SAMD8: variants seen among roughly 807,000 people sequenced by gnomAD.
The protein encoded by SAMD8 is sphingomyelin synthase-related protein 1.
Under a neutral mutation model 42.0 loss-of-function variants are expected in SAMD8, and 20 were observed. The ratio of observed to expected loss-of-function variants is 0.48; its 90% CI spans 0.34 to 0.69. SAMD8 has a LOEUF of 0.69. Ranked by LOEUF, SAMD8 falls within the 30% of genes least tolerant of loss-of-function variation. SAMD8 has a pLI of 0.01. For missense variants in SAMD8, 328 were observed against 511.6 expected, an observed-to-expected ratio of 0.64 and a Z score of 3.46; for synonymous variants, 162 against 173.0, an observed-to-expected ratio of 0.94 and a Z score of 0.50.
At chr10:75,141,365 AAAAG>A (rs1163409339) in intron 1 of SAMD8, among the ~76,000 whole-genome samples, 13 of 152,062 alleles carry the variant, frequency 8.5e-5, no homozygotes, top group South Asian at 2.1e-4. Context: ...AAAAAAAAAA[AAAAG>A]AAAGGAAGAC....
intron 2 of SAMD8, among the ~76,000 whole-genome samples, chr10:75,160,269 T>C (rs1021609555): frequency 6.6e-6 from 1 of 151,994 alleles, no homozygotes; most frequent in Non-Finnish European, 1.5e-5. Flanking sequence ...CGATCTCGGC[T>C]CACTGCAAGC....
At chr10:75,155,618 T>C (rs1343613611) in intron 2 of SAMD8, among the ~76,000 whole-genome samples, 1 of 152,134 alleles carries the variant, frequency 6.6e-6, no homozygotes, top group African/African-American at 2.4e-5. Context: ...TGGGTTATAA[T>C]AGGTTCAGGA....
rs569645820 is a variant in SAMD8, at chr10:75,164,278, G to A, written c.579-367G>A. Among the ~76,000 whole-genome samples the A allele has an allele frequency of 3.3e-5, 5 of 152,208 alleles. No homozygotes were observed. In the South Asian group the frequency reaches 1.0e-3, roughly 32 times the overall value. ...TTCAAACCCTGATTGTTTGCACTCT[G>A]AAAAGAGCACTTCATGCAAGAAATG... is the stretch of plus-strand genomic sequence containing the variant. On this transcript the variant is annotated intron_variant, in intron 2 of 5. Coordinates refer to ENST00000542569, the MANE Select transcript of SAMD8 (RefSeq NM_001174156.2).
intron 3 of SAMD8, among the ~76,000 whole-genome samples, chr10:75,166,943 G>T (rs1840696728): frequency 6.6e-6 from 1 of 152,148 alleles, no homozygotes; most frequent in South Asian, 2.1e-4. Flanking sequence ...CAGATTCCTA[G>T]GTTCCATCTC....
chr10:75,114,918 T>C (rs1350155019), intron 1 of SAMD8, among the ~76,000 whole-genome samples: 1 of 152,216 alleles, frequency 6.6e-6, no homozygotes, highest in African/African-American at 2.4e-5. Flanking sequence ...TGAATACAAT[T>C]GCATATTCTG....
chr10:75,151,655 C>T (rs1840289825), intron 2 of SAMD8, among the ~76,000 whole-genome samples: 1 of 151,764 alleles, frequency 6.6e-6, no homozygotes, highest in African/African-American at 2.4e-5. Flanking sequence ...GCCTGGACTG[C>T]TTAATTTATT....
Position 75,150,917 on chromosome 10 carries a change from A to C in SAMD8, c.389A>C (p.Gln130Pro). ...DGPITDLNSD[Q>P]YQYMNGKNKH... is the part of the protein sequence containing the mutation. ...CCCATAACTGACTTGAATTCTGATC[A>C]GTACCAGTACATGAATGGTAAAAAC... is the stretch of plus-strand genomic sequence containing the variant. Residue 130 changes from glutamine (Q) to proline (P), a missense_variant, in exon 2 of 6, where the codon CAG becomes CCG. Physicochemically the swap from Gln to Pro is moderately conservative, Grantham distance 76. Transcript: ENST00000542569. The C allele has an allele frequency of 6.2e-7, 1 of 1,611,702 alleles. No homozygotes were observed. The highest frequency in any genetic ancestry group is 1.1e-5 in the South Asian group (1 of 90,626).
chr10:75,163,868 A>G (rs1840615327), intron 2 of SAMD8, among the ~76,000 whole-genome samples: 1 of 151,812 alleles, frequency 6.6e-6, no homozygotes, highest in East Asian at 1.9e-4. Context: ...TTGAAAATAG[A>G]AAAAAAACCA....
At chr10:75,149,284 A>G (rs1259224834) in intron 1 of SAMD8, among the ~76,000 whole-genome samples, 2 of 152,250 alleles carry the variant, frequency 1.3e-5, no homozygotes, top group African/African-American at 4.8e-5. Flanking sequence ...AAAGAAGAAC[A>G]TAAATAGAGC....
chr10:75,124,606 C>T (rs1849086471), intron 1 of SAMD8, among the ~76,000 whole-genome samples: 1 of 141,318 alleles, frequency 7.1e-6, no homozygotes, highest in African/African-American at 2.6e-5. Flanking sequence ...GAACGAGACT[C>T]CATCTCAAAA....
intron 1 of SAMD8, among the ~76,000 whole-genome samples, chr10:75,135,223 C>A (rs10824282): frequency 6.6e-6 from 1 of 151,530 alleles, no homozygotes. Context: ...GAGGCCGAGG[C>A]GGGCTGATCA....
intron 1 of SAMD8, among the ~76,000 whole-genome samples, chr10:75,137,233 A>G (rs1839909932): frequency 6.6e-6 from 1 of 152,222 alleles, no homozygotes; most frequent in African/African-American, 2.4e-5. Context: ...AGGGGATATT[A>G]TTCAGCCTTA....
At chr10:75,111,432 T>C, upstream of SAMD8, 2 of 1,039,464 alleles carry the variant, frequency 1.9e-6, no homozygotes, top group Non-Finnish European at 2.4e-6. Context: ...TTTTCCAGTG[T>C]GGGCCCCGCC....
At chr10:75,172,350 AAG>A (rs772895121) in intron 4 of SAMD8, among the ~76,000 whole-genome samples, 5 of 151,942 alleles carry the variant, frequency 3.3e-5, no homozygotes, top group Non-Finnish European at 7.4e-5. Context: ...TTGTTTTTTT[AAG>A]ACAGATTCTC....
At chr10:75,154,331 T>C (rs1454397835) in intron 2 of SAMD8, among the ~76,000 whole-genome samples, 1 of 152,224 alleles carries the variant, frequency 6.6e-6, no homozygotes, top group Non-Finnish European at 1.5e-5. Context: ...GTATCTTGTC[T>C]CCCCTTCTAT....
At position 75,146,272 on chromosome 10, in the gene SAMD8, C is replaced by CTTTTTTTTT. The variant is rs202162176; in HGVS notation, c.-15-4222_-15-4214dup. 3.7e-4 allele frequency among the ~76,000 whole-genome samples: 25 copies of CTTTTTTTTT among 68,142 alleles called. 3 individuals carry two copies. The highest frequency in any genetic ancestry group is 1.7e-3 in the African/African-American group (24 of 14,426). 44.7% of individuals were successfully genotyped at this position (68,142 alleles called of 152,430 possible). On this transcript the variant is annotated intron_variant, in intron 1 of 5. Coordinates refer to ENST00000542569, the MANE Select transcript of SAMD8 (RefSeq NM_001174156.2). ...TTTCCTGATGTCCAGTGTCTTGACA[C>CTTTTTTTTT]TTTTTTTTTTTTTTTTTTTTTTTTT...
chr10:75,108,076 C>G, upstream of SAMD8: 1 of 1,613,914 alleles, frequency 6.2e-7, no homozygotes, highest in Non-Finnish European at 8.5e-7. Flanking sequence ...AGGTCGTGGG[C>G]TGGCACCCCC....
chr10:75,162,603 C>T lies in SAMD8; in HGVS notation c.579-2042C>T, dbSNP rs181613705. On this transcript the variant is annotated intron_variant, in intron 2 of 5. Coordinates refer to ENST00000542569, the MANE Select transcript of SAMD8 (RefSeq NM_001174156.2). ...GGCGGAGGTTGTGGTGAGCCGAGAT[C>T]GCGCCATTGCACTCCAGCCTGGGGA... is the stretch of plus-strand genomic sequence containing the variant. Among the ~76,000 whole-genome samples, 645 of 138,714 alleles carry T rather than the reference C, an allele frequency of 4.6e-3. 3 individuals carry two copies. The highest frequency in any genetic ancestry group is 0.016 in the African/African-American group (597 of 36,498). 91.0% of individuals were successfully genotyped at this position (138,714 alleles called of 152,430 possible).
chr10:75,120,559 G>A (rs1353983821), intron 1 of SAMD8, among the ~76,000 whole-genome samples: 3 of 151,928 alleles, frequency 2.0e-5, no homozygotes, highest in Admixed American at 6.6e-5. Flanking sequence ...GTGAGCCACC[G>A]CGCCCGGCCA....
Sources: allele counts gnomAD v4.1 joint callset (sites outside exome capture counted in the v4.1 genomes callset), GRCh38; gene constraint gnomAD v4.1.1; transcripts MANE v1.5; gene names NCBI Gene and HGNC (gene_info 2026-07-23, HGNC 2026-07-21).